Variants in FRMD4A observed in about 807,000 individuals in gnomAD.
FRMD4A encodes the protein FERM domain containing 4A.
A neutral mutation model predicts 129.1 loss-of-function variants in FRMD4A; 29 were observed. The observed-to-expected ratio is 0.22, with a 90% CI of 0.17 to 0.31. The LOEUF (loss-of-function observed/expected upper bound fraction) is 0.31. Ranked by LOEUF, FRMD4A falls within the 10% of genes least tolerant of loss-of-function variation. The pLI is 1.00. For missense variants in FRMD4A, 1,272 were observed against 1,375.8 expected (o/e 0.92, Z 1.19); for synonymous variants, 634 against 571.6 (o/e 1.11, Z -1.56).
intron 2 of FRMD4A, among the ~76,000 whole-genome samples, chr10:14,205,525 G>C (rs1421967619): frequency 6.6e-6 from 1 of 152,094 alleles, no homozygotes; most frequent in Non-Finnish European, 1.5e-5. Context: ...AGAAATTATG[G>C]GCCGGGTGCG....
chr10:14,316,524 A>AAAAAAAAAAAAG (rs556192567), intron 2 of FRMD4A, among the ~76,000 whole-genome samples: 4 of 132,652 alleles, frequency 3.0e-5, no homozygotes, highest in Non-Finnish European at 4.9e-5. Flanking sequence ...AAAAAAAAAA[A>AAAAAAAAAAAAG]AAGAAGAAGA....
intron 14 of FRMD4A, among the ~76,000 whole-genome samples, chr10:13,696,842 G>A (rs2086271688): frequency 6.6e-6 from 1 of 152,172 alleles, no homozygotes; most frequent in African/African-American, 2.4e-5. Context: ...ATACATGTTT[G>A]TAAAATGGAG....
intron 2 of FRMD4A, among the ~76,000 whole-genome samples, chr10:14,169,393 C>T (rs1193316664): frequency 2.0e-5 from 3 of 152,112 alleles, no homozygotes; most frequent in African/African-American, 7.2e-5. Flanking sequence ...AGCATTCTTG[C>T]CTATTCTGTA....
chr10:14,221,776 A>T (rs1168054550), intron 2 of FRMD4A, among the ~76,000 whole-genome samples: 1 of 151,906 alleles, frequency 6.6e-6, no homozygotes, highest in Non-Finnish European at 1.5e-5. Context: ...GCTGATCTCA[A>T]GCTCCTGGAC....
At position 13,794,043 on chromosome 10, in the gene FRMD4A, G is replaced by A. The variant is rs114274909; in HGVS notation, c.299+2453C>T. ...CCCTTGGAGGCTGCTTCAATAGGTC[G>A]ACTGACTGGTGAGGGCCTGAGTTCA... On this transcript the variant is annotated intron_variant, in intron 5 of 24. Coordinates refer to ENST00000357447, the MANE Select transcript of FRMD4A (RefSeq NM_018027.5). 3.0e-3 allele frequency among the ~76,000 whole-genome samples: 450 copies of A among 152,204 alleles called. 4 individuals are homozygous for A. Among genetic ancestry groups the A allele is most frequent in the African/African-American group, 0.01 (427 of 41,520 alleles).
chr10:14,120,178 A>T (rs1589017650), intron 2 of FRMD4A, among the ~76,000 whole-genome samples: 1 of 151,886 alleles, frequency 6.6e-6, no homozygotes, highest in African/African-American at 2.4e-5. Flanking sequence ...CATCCCTGAC[A>T]CCACCATTCG....
At chr10:14,000,110 C>G (rs2095636312) in intron 2 of FRMD4A, among the ~76,000 whole-genome samples, 1 of 152,120 alleles carries the variant, frequency 6.6e-6, no homozygotes, top group Non-Finnish European at 1.5e-5. Flanking sequence ...AATTAAAAAT[C>G]CGTAGATGTG....
chr10:14,033,792 GAGAGAGAGAGAC>G (rs1312445973), intron 2 of FRMD4A, among the ~76,000 whole-genome samples: 2 of 149,928 alleles, frequency 1.3e-5, no homozygotes, highest in African/African-American at 4.9e-5. Context: ...AAGAGAGAGA[GAGAGAGAGAGAC>G]AGAGAGAGAA....
At chr10:14,019,124 A>G (rs901276685) in intron 2 of FRMD4A, among the ~76,000 whole-genome samples, 1 of 152,186 alleles carries the variant, frequency 6.6e-6, no homozygotes, top group African/African-American at 2.4e-5. Flanking sequence ...AATAGAAAAG[A>G]GGATCCTCAA....
chr10:14,309,166 T>C (rs1846453452), intron 2 of FRMD4A, among the ~76,000 whole-genome samples: 1 of 152,214 alleles, frequency 6.6e-6, no homozygotes, highest in South Asian at 2.1e-4. Context: ...ATCGTACATG[T>C]AGACTGGGCA....
intron 24 of FRMD4A, chr10:13,650,969 T>C (rs564046514): frequency 6.6e-6 from 1 of 152,360 alleles, no homozygotes; most frequent in African/African-American, 2.4e-5. Context: ...ACTTAATACA[T>C]AAGTGTAGCA....
chr10:13,702,919 A>AG lies in FRMD4A; in HGVS notation c.837-1442_837-1441insC, dbSNP rs200232044. ...GGTTCCAACAAAAGTGAAGGAAAAA[A>AG]AAAAAAAAAAAAGCCAGAGCGTGAA... On this transcript the variant is annotated intron_variant, in intron 13 of 24. Coordinates refer to ENST00000357447, the MANE Select transcript of FRMD4A (RefSeq NM_018027.5). Among the ~76,000 whole-genome samples the AG allele has an allele frequency of 5.4e-3, 799 of 149,174 alleles. 5 individuals carry two copies. Among genetic ancestry groups the AG allele is most frequent in the African/African-American group, 0.018 (726 of 40,392 alleles).
At chr10:14,326,757 G>A (rs1352984543) in intron 2 of FRMD4A, 6 of 397,556 alleles carry the variant, frequency 1.5e-5, no homozygotes, top group East Asian at 3.6e-5. Context: ...GAACTCACAC[G>A]CCCTCAACAA....
At chr10:14,279,351 A>C (rs767486370) in intron 2 of FRMD4A, among the ~76,000 whole-genome samples, 10 of 151,752 alleles carry the variant, frequency 6.6e-5, no homozygotes, top group Non-Finnish European at 1.3e-4. Context: ...CATATTTGGC[A>C]AATTTATTTT....
At chr10:13,686,773 T>G (rs1159467018) in intron 15 of FRMD4A, among the ~76,000 whole-genome samples, 1 of 152,202 alleles carries the variant, frequency 6.6e-6, no homozygotes, top group Non-Finnish European at 1.5e-5. Context: ...TTACAGAGAA[T>G]GGGTCGTTTA....
intron 2 of FRMD4A, among the ~76,000 whole-genome samples, chr10:13,996,766 C>T (rs755905061): frequency 6.6e-6 from 1 of 152,184 alleles, no homozygotes; most frequent in South Asian, 2.1e-4. Context: ...AAGAACTCCA[C>T]GAGATCTTAG....
intron 2 of FRMD4A, among the ~76,000 whole-genome samples, chr10:14,184,133 T>A: frequency 8.0e-6 from 1 of 124,436 alleles, no homozygotes; most frequent in Admixed American, 8.8e-5. Context: ...TTCTTTTTTT[T>A]TTTTTTTTTT....
At chr10:14,239,923 T>A (rs1286307604) in intron 2 of FRMD4A, among the ~76,000 whole-genome samples, 2 of 152,350 alleles carry the variant, frequency 1.3e-5, no homozygotes, top group African/African-American at 4.8e-5. Flanking sequence ...TTTGCTGGAA[T>A]TGATGTAACA....
At position 14,184,614 on chromosome 10, in the gene FRMD4A, C is replaced by T. The variant is rs114317826; in HGVS notation, c.45+145444G>A. ...AGTGCTTTATACAAGGCACCGTGCC[C>T]GTCTCCTGAGGAGCCTCTGAACGTT... is the stretch of plus-strand genomic sequence containing the variant. On this transcript the variant is annotated intron_variant, in intron 2 of 24. Coordinates refer to ENST00000357447, the MANE Select transcript of FRMD4A (RefSeq NM_018027.5). 2.5e-3 allele frequency among the ~76,000 whole-genome samples: 374 copies of T among 152,138 alleles called. 2 individuals carry two copies. Among genetic ancestry groups the T allele is most frequent in the African/African-American group, 8.7e-3 (363 of 41,498 alleles).
Sources: allele counts gnomAD v4.1 joint callset (sites outside exome capture counted in the v4.1 genomes callset), GRCh38; gene constraint gnomAD v4.1.1; transcripts MANE v1.5; gene names NCBI Gene and HGNC (gene_info 2026-07-23, HGNC 2026-07-21).